Variants in FGF13 observed in about 807,000 individuals in gnomAD.
FGF13 encodes the protein fibroblast growth factor homologous factor 2.
In FGF13, 2 loss-of-function variants were observed where a neutral mutation model predicts 19.5. The observed-to-expected ratio is 0.10, with a 90% CI of 0.04 to 0.32. The LOEUF is 0.32. FGF13 is among the 10% of genes least tolerant of loss of function. The pLI, the probability that FGF13 is intolerant of heterozygous loss-of-function variation, is 1.00. For missense variants in FGF13, 113 were observed against 192.7 expected, an observed-to-expected ratio of 0.59 and a Z score of 2.45; for synonymous variants, 72 against 76.9, an observed-to-expected ratio of 0.94 and a Z score of 0.33.
rs1404885220 is a variant in FGF13 at position 138,628,419 on chromosome X, C to G, written c.*4431G>C. On this transcript the variant is annotated 3_prime_UTR_variant, in exon 5 of 5. Coordinates refer to ENST00000315930, the MANE Select transcript of FGF13 (RefSeq NM_004114.5). The stretch of plus-strand genomic sequence containing the variant: ...ATCACAGCCCTGCTGTAATCAATTT[C>G]TAAAGTGAGAAAATGGCTTTGAATA... 8.9e-6 allele frequency: 1 copy of G among 111,966 alleles called. No individual in the cohort carries two copies. The highest frequency in any genetic ancestry group is 1.9e-5 in the Non-Finnish European group (1 of 53,221). 9.2% of individuals were successfully genotyped at this position (111,966 alleles called of 1,213,427 possible). A position where few individuals can be genotyped will look rare whatever the true frequency, so the allele number is the denominator to read the frequency against.
chrX:138,984,814 CTGTGTGTG>C (rs200719953), intron 1 of FGF13, among the ~76,000 whole-genome samples: 2 of 90,849 alleles, frequency 2.2e-5, no homozygotes, highest in African/African-American at 8.1e-5. Flanking sequence ...TATGTCAGTT[CTGTGTGTG>C]TGTGTGTGTG....
At chrX:138,796,862 G>A (rs1357219101) in intron 3 of FGF13, among the ~76,000 whole-genome samples, 1 of 112,050 alleles carries the variant, frequency 8.9e-6, no homozygotes, top group Non-Finnish European at 1.9e-5. Context: ...GTCTTCTTTT[G>A]AGAATTGTCT....
At chrX:138,858,889 G>C (rs189895973) in intron 2 of FGF13, among the ~76,000 whole-genome samples, 37 of 111,200 alleles carry the variant, frequency 3.3e-4, no homozygotes, top group Admixed American at 8.6e-4. Context: ...TCATGTCAAG[G>C]AAAAAATAGT....
intron 3 of FGF13, among the ~76,000 whole-genome samples, chrX:138,762,920 G>A (rs957704376): frequency 3.6e-5 from 4 of 111,275 alleles, no homozygotes; most frequent in African/African-American, 1.3e-4. Flanking sequence ...TGGATCTCAG[G>A]TCCAAATGAA....
chrX:139,059,473 G>T (rs1033791656), intron 1 of FGF13, among the ~76,000 whole-genome samples: 1 of 109,458 alleles, frequency 9.1e-6, no homozygotes, highest in East Asian at 2.9e-4. Flanking sequence ...AAGTAAAAAA[G>T]GCCAGGAGGA....
intron 1 of FGF13, among the ~76,000 whole-genome samples, chrX:138,981,204 C>T: frequency 9.1e-6 from 1 of 109,295 alleles, no homozygotes; most frequent in South Asian, 4.0e-4. Context: ...GAAGACTGAG[C>T]AAAAAATAGA....
chrX:138,694,629 T>A (rs1175831044), intron 3 of FGF13, among the ~76,000 whole-genome samples: 1 of 106,835 alleles, frequency 9.4e-6, no homozygotes, highest in Non-Finnish European at 1.9e-5. Flanking sequence ...TTTTTTTTTA[T>A]TTATTTTTAT....
At chrX:138,843,596 C>A (rs886819346) in intron 3 of FGF13, among the ~76,000 whole-genome samples, 2 of 111,283 alleles carry the variant, frequency 1.8e-5, no homozygotes, top group Non-Finnish European at 3.8e-5. Context: ...AAAGGGCAGT[C>A]AGCAAAAAGT....
At chrX:138,773,599 A>G (rs1429263989) in intron 3 of FGF13, among the ~76,000 whole-genome samples, 2 of 112,509 alleles carry the variant, frequency 1.8e-5, no homozygotes, top group Non-Finnish European at 3.7e-5. Context: ...TGGTTAAGGC[A>G]TTAAAAACAA....
chrX:139,134,954 G>T (rs1282480809), intron 1 of FGF13, among the ~76,000 whole-genome samples: 2 of 111,384 alleles, frequency 1.8e-5, no homozygotes, highest in African/African-American at 6.5e-5. Context: ...GGCCTGTCAA[G>T]ACAACTTCTG....
intron 2 of FGF13, among the ~76,000 whole-genome samples, chrX:138,706,054 G>A (rs1164281512): frequency 8.9e-6 from 1 of 112,355 alleles, no homozygotes; most frequent in Non-Finnish European, 1.9e-5. Context: ...GGCACCCAGT[G>A]TTTGCTGAAG....
chrX:139,044,764 G>T (rs2092281539), intron 1 of FGF13, among the ~76,000 whole-genome samples: 1 of 111,897 alleles, frequency 8.9e-6, no homozygotes. Flanking sequence ...CTCATCTAGG[G>T]CATGCTGGTG....
At chrX:138,881,809 ACAAAGTTTTCT>A (rs2091426619) in intron 1 of FGF13, among the ~76,000 whole-genome samples, 1 of 111,176 alleles carries the variant, frequency 9.0e-6, no homozygotes, top group East Asian at 2.8e-4. Context: ...GTCAATCTAA[ACAAAGTTTTCT>A]CAATTGTTCT....
At chrX:139,193,603 A>G (rs1480199978) in intron 1 of FGF13, among the ~76,000 whole-genome samples, 1 of 111,502 alleles carries the variant, frequency 9.0e-6, no homozygotes, top group Non-Finnish European at 1.9e-5. Flanking sequence ...GAAAGGCTTC[A>G]TGGAGGATGG....
intron 1 of FGF13, among the ~76,000 whole-genome samples, chrX:139,126,272 G>A (rs1370329460): frequency 9.0e-6 from 1 of 111,146 alleles, no homozygotes; most frequent in Admixed American, 9.6e-5. Flanking sequence ...TTTCTACTTG[G>A]CTAAGCCTTA....
chrX:139,051,394 C>T (rs1320853555), intron 1 of FGF13, among the ~76,000 whole-genome samples: 1 of 111,323 alleles, frequency 9.0e-6, no homozygotes, highest in African/African-American at 3.3e-5. Flanking sequence ...CTGGGAGTGC[C>T]CCATTTTACT....
intron 1 of FGF13, among the ~76,000 whole-genome samples, chrX:138,726,500 C>T (rs941879333): frequency 4.4e-5 from 5 of 112,414 alleles, no homozygotes; most frequent in African/African-American, 1.6e-4. Context: ...GCATGTGCTT[C>T]GCATGTAGTA....
intron 1 of FGF13, among the ~76,000 whole-genome samples, chrX:138,908,689 T>G (rs1210159636): frequency 8.9e-6 from 1 of 111,824 alleles, no homozygotes; most frequent in Non-Finnish European, 1.9e-5. Context: ...TTACCAGAGT[T>G]GCCATGTGCT....
chrX:138,824,313 A>C (rs773303137), intron 3 of FGF13, among the ~76,000 whole-genome samples: 8 of 111,734 alleles, frequency 7.2e-5, no homozygotes, highest in Non-Finnish European at 1.3e-4. Flanking sequence ...AGATGGGGCA[A>C]AGGCTTGAGC....
Sources: allele counts gnomAD v4.1 joint callset (sites outside exome capture counted in the v4.1 genomes callset), GRCh38; gene constraint gnomAD v4.1.1; transcripts MANE v1.5; gene names NCBI Gene and HGNC (gene_info 2026-07-23, HGNC 2026-07-21).